Variants in ZNF469 observed in about 807,000 individuals in gnomAD.
The protein encoded by ZNF469 is zinc finger protein 469.
In ZNF469, 1 loss-of-function variant was observed where a neutral mutation model predicts 1.0. That is an observed-to-expected ratio of 1.00 (90% CI 0.35 to 4.73). ZNF469 has a LOEUF of 4.73. Among genes scored for constraint, ZNF469 ranks in the 30% most tolerant of loss-of-function variants. ZNF469 has a pLI of 0.16. For missense variants in ZNF469, 6,100 were observed against 5,356.3 expected (o/e 1.14, Z -4.33); for synonymous variants, 2,703 against 2,363.4 (o/e 1.14, Z -4.17).
At chr16:88,229,582 T>TGCCACAC in the ZNF469 span, among the ~76,000 whole-genome samples, 1 of 146,186 alleles carries the variant, frequency 6.8e-6, no homozygotes, top group African/African-American at 2.5e-5. Context: ...TGTGCGCTGA[T>TGCCACAC]GTCACGCGTG....
chr16:88,163,612 AGATGGATGGATGGATG>A, the ZNF469 span, among the ~76,000 whole-genome samples: 58 of 129,888 alleles, frequency 4.5e-4, no homozygotes, highest in African/African-American at 1.3e-3. Flanking sequence ...GTGCATTGGT[AGATGGATGGATGGATG>A]GATGGATGGA....
At chr16:88,301,072 G>C in the ZNF469 span, among the ~76,000 whole-genome samples, 1 of 151,858 alleles carries the variant, frequency 6.6e-6, no homozygotes, top group African/African-American at 2.4e-5. Context: ...CAAAAAAAAA[G>C]AAAGAAAAGA....
At chr16:88,256,069 G>C in the ZNF469 span, among the ~76,000 whole-genome samples, 1 of 152,174 alleles carries the variant, frequency 6.6e-6, no homozygotes, top group Non-Finnish European at 1.5e-5. Flanking sequence ...CGATGCTCCT[G>C]CTCTGTCATA....
chr16:88,332,774 C>G, the ZNF469 span, among the ~76,000 whole-genome samples: 2 of 152,188 alleles, frequency 1.3e-5, no homozygotes, highest in Non-Finnish European at 2.9e-5. Flanking sequence ...CAGGCCGGCT[C>G]TCACAGCCTG....
chr16:88,232,431 G>A, the ZNF469 span, among the ~76,000 whole-genome samples: 2 of 152,170 alleles, frequency 1.3e-5, no homozygotes, highest in Non-Finnish European at 2.9e-5. Flanking sequence ...GGGACAGCTG[G>A]ACCAGGCCTG....
chr16:88,396,042 C>G (rs1904648757), intron 1 of ZNF469, among the ~76,000 whole-genome samples: 1 of 152,244 alleles, frequency 6.6e-6, no homozygotes, highest in Non-Finnish European at 1.5e-5. Context: ...GGACACGGGA[C>G]CATCTGTCGT....
upstream of ZNF469, among the ~76,000 whole-genome samples, chr16:88,381,647 G>A (rs976251415): frequency 1.4e-4 from 21 of 152,258 alleles, no homozygotes; most frequent in Non-Finnish European, 2.8e-4. Context: ...CCAGGACCTG[G>A]AGGCCCCAGA....
chr16:88,318,235 CGGCTGT>C, the ZNF469 span, among the ~76,000 whole-genome samples: 2 of 152,206 alleles, frequency 1.3e-5, no homozygotes, highest in Non-Finnish European at 2.9e-5. Context: ...CATGGAGCTG[CGGCTGT>C]GGCTGTGGGT....
At chr16:88,346,646 T>A in the ZNF469 span, among the ~76,000 whole-genome samples, 1 of 152,198 alleles carries the variant, frequency 6.6e-6, no homozygotes, top group Non-Finnish European at 1.5e-5. Flanking sequence ...GCCTCCCGAG[T>A]AGCTGGGACT....
the ZNF469 span, among the ~76,000 whole-genome samples, chr16:88,208,759 T>C: frequency 7.0e-6 from 1 of 142,142 alleles, no homozygotes; most frequent in African/African-American, 2.6e-5. Flanking sequence ...AATCTGTCCA[T>C]AGTAAATGCG....
At chr16:88,257,721 G>T in the ZNF469 span, among the ~76,000 whole-genome samples, 1 of 152,140 alleles carries the variant, frequency 6.6e-6, no homozygotes. Flanking sequence ...GTTTGCAAGT[G>T]CTCTTTTTAT....
At chr16:88,353,436 G>A in the ZNF469 span, among the ~76,000 whole-genome samples, 1 of 152,168 alleles carries the variant, frequency 6.6e-6, no homozygotes, top group Admixed American at 6.5e-5. Flanking sequence ...GTCCCACCCA[G>A]CTTCCCCAGC....
intron 1 of ZNF469, among the ~76,000 whole-genome samples, chr16:88,416,930 G>T (rs1375350751): frequency 1.3e-5 from 2 of 152,204 alleles, no homozygotes; most frequent in Non-Finnish European, 2.9e-5. Context: ...CAGGGCCTGG[G>T]ACTGTCAGGT....
chr16:88,311,061 G>GT, the ZNF469 span, among the ~76,000 whole-genome samples: 1 of 152,160 alleles, frequency 6.6e-6, no homozygotes, highest in Non-Finnish European at 1.5e-5. Context: ...CCAACTCCTT[G>GT]TTTTTGAGGA....
At chr16:88,116,969 A>G in the ZNF469 span, among the ~76,000 whole-genome samples, 165 of 109,194 alleles carry the variant, frequency 1.5e-3, no homozygotes, top group African/African-American at 4.4e-3. Flanking sequence ...ACACACACAC[A>G]CACACACACA....
At chr16:88,113,667 A>C in the ZNF469 span, among the ~76,000 whole-genome samples, 1 of 152,334 alleles carries the variant, frequency 6.6e-6, no homozygotes, top group South Asian at 2.1e-4. Flanking sequence ...GGCCTATCGT[A>C]GGTCAGGTCT....
the ZNF469 span, among the ~76,000 whole-genome samples, chr16:88,272,335 T>C: frequency 1.6e-5 from 2 of 125,106 alleles, no homozygotes; most frequent in African/African-American, 6.3e-5. Context: ...GGTGGTTAGA[T>C]GGGTGGATGA....
intron 1 of ZNF469, among the ~76,000 whole-genome samples, chr16:88,413,766 C>T (rs1432828000): frequency 1.3e-5 from 2 of 152,144 alleles, no homozygotes; most frequent in African/African-American, 4.8e-5. Flanking sequence ...CATCCCAGCT[C>T]CTGGGCTCCG....
the ZNF469 span, among the ~76,000 whole-genome samples, chr16:88,242,406 TC>T: frequency 6.6e-6 from 1 of 152,186 alleles, no homozygotes; most frequent in African/African-American, 2.4e-5. Flanking sequence ...CCCTGGCTTG[TC>T]GAGGCCGCCT....
Sources: allele counts gnomAD v4.1 joint callset (sites outside exome capture counted in the v4.1 genomes callset), GRCh38; gene constraint gnomAD v4.1.1; transcripts MANE v1.5; gene names NCBI Gene and HGNC (gene_info 2026-07-23, HGNC 2026-07-21).